Variants in C3 observed in about 807,000 individuals in gnomAD.
C3 encodes the protein complement C3.
A neutral mutation model predicts 207.9 loss-of-function variants in C3; 97 were observed. The observed-to-expected ratio is 0.47, with a 90% CI of 0.40 to 0.55. C3 has a LOEUF of 0.55. C3 is among the 20% of genes least tolerant of loss of function. C3 has a pLI of 0.00. For synonymous variants in C3, 848 were observed against 857.6 expected (o/e 0.99, Z 0.20); for missense variants, 1,684 against 2,171.7 (o/e 0.78, Z 4.46).
chr19:6,678,141 A>G lies in C3; in HGVS notation c.4850+11T>C. 1 of 1,614,140 alleles carries G rather than the reference A, an allele frequency of 6.2e-7. No homozygotes were observed. Among genetic ancestry groups the G allele is most frequent in the Non-Finnish European group, 8.5e-7 (1 of 1,180,014 alleles). ...CGGGCGGTCGCGCGCACGCGCAGGGAAAGCACTCACTTGGGCTTCTCTCCC... is the reference window on the plus strand; with the variant it reads ...CGGGCGGTCGCGCGCACGCGCAGGGGAAGCACTCACTTGGGCTTCTCTCCC... On this transcript the variant is annotated intron_variant, in intron 40 of 40. Coordinates refer to ENST00000245907, the MANE Select transcript of C3 (RefSeq NM_000064.4).
Position 6,679,136 on chromosome 19 carries a change from C to G in C3, c.4619G>C (p.Gly1540Ala). 6.2e-7 allele frequency: 1 copy of G among 1,613,966 alleles called. No homozygotes were observed. The highest frequency in any genetic ancestry group is 8.5e-7 in the Non-Finnish European group (1 of 1,179,812). ...EERLDKACEPGVDYVYKTRLV... is the reference protein window; with the variant it reads ...EERLDKACEPAVDYVYKTRLV... ...CATCACCCACTCACCATAGTCCACT[C>G]CTGGCTCACAGGCCTTGTCCAGCCG... The change falls in exon 38 of 41, where the codon GGA (glycine) becomes GCA (alanine). Residue 1540 changes from glycine to alanine, a missense_variant. Physicochemically the swap from Gly to Ala is moderately conservative, Grantham distance 60. Around this residue, in one of 3 missense-constraint regions of C3, gnomAD observed 346 missense variants for 380.1 expected, o/e 0.91. Transcript: ENST00000245907.
chr19:6,686,393 G>A, intron 28 of C3, 106 bp from the exon 29 acceptor site: 1 of 1,260,902 alleles, frequency 7.9e-7, no homozygotes, highest in Non-Finnish European at 1.2e-6. Context: ...TGGTGTTTGG[G>A]TGTCCTGGCT....
chr19:6,686,211 C>T lies in C3; in HGVS notation c.3723G>A (p.Leu1241=). 2 of 1,614,156 alleles carry T rather than the reference C, an allele frequency of 1.2e-6. No homozygotes were observed. The highest frequency in any genetic ancestry group is 1.7e-6 in the Non-Finnish European group (2 of 1,180,024). Reference sequence around the variant, plus strand: ...GCACAAAGTCAAAGTCTTTTAGCTGCAGTAGGGCCAAGAGGGCATAGGATG... The same window carrying T: ...GCACAAAGTCAAAGTCTTTTAGCTGTAGTAGGGCCAAGAGGGCATAGGATG... ...EATSYALLAL[L]QLKDFDFVPP... is the part of the protein sequence containing the mutation. Residue 1241 remains leucine (L), a synonymous_variant, in exon 29 of 41, where the codon CTG becomes CTA. Transcript: ENST00000245907.
At chr19:6,689,833 T>G (rs1740766938) in intron 27 of C3, among the ~76,000 whole-genome samples, 1 of 152,032 alleles carries the variant, frequency 6.6e-6, no homozygotes, top group South Asian at 2.1e-4. Context: ...AAGACAAAAA[T>G]TAGCCGGGTA....
intron 28 of C3, 96 bp from the exon 29 acceptor site, chr19:6,686,383 T>C: frequency 2.2e-6 from 3 of 1,366,246 alleles, no homozygotes; most frequent in South Asian, 2.3e-5. Context: ...CTAGACTTCC[T>C]GGTGTTTGGG....
At position 6,707,924 on chromosome 19, in the gene C3, C is replaced by A. The variant is rs1388201055; in HGVS notation, c.1851G>T (p.Trp617Cys). The A allele has an allele frequency of 6.2e-7, 1 of 1,613,830 alleles. No homozygotes were observed. The highest frequency in any genetic ancestry group is 8.5e-7 in the Non-Finnish European group (1 of 1,179,998). ...KKNKLTQSKI[W>C]DVVEKADIGC... ...CGATGTCTGCCTTCTCCACCACGTCCCAGATCTGCGGGGGGCATAGGGGTG... is the reference window on the plus strand; with the variant it reads ...CGATGTCTGCCTTCTCCACCACGTCACAGATCTGCGGGGGGCATAGGGGTG... Residue 617 changes from tryptophan to cysteine, a missense_variant, in exon 15 of 41, where the codon TGG becomes TGT. By Grantham distance (215) the Trp-to-Cys change is radical. This residue lies in a region of C3 where 1,280 missense variants were observed against 1,739.1 expected (regional missense o/e 0.74). Coordinates refer to ENST00000245907, the MANE Select transcript of C3 (RefSeq NM_000064.4).
rs1409290961 is a variant in C3 at position 6,697,044 on chromosome 19, A to AAAAAAAAAAAAAAAT, written c.2796+299_2796+300insATTTTTTTTTTTTTT. On this transcript the variant is annotated intron_variant, in intron 21 of 40. Transcript: ENST00000245907. Reference sequence around the variant, plus strand: ...GGAACAGAGTGAGACTCTGTCTCAAAAAAATAAACAAACAAATAAATAAAT... The same window carrying AAAAAAAAAAAAAAAT: ...GGAACAGAGTGAGACTCTGTCTCAAAAAAAAAAAAAAAAATAAAATAAACAAACAAATAAATAAAT... Among the ~76,000 whole-genome samples, 10 of 83,094 alleles carry AAAAAAAAAAAAAAAT rather than the reference A, an allele frequency of 1.2e-4. No individual in the cohort carries two copies. The East Asian group carries it at 2.0e-3, about 17-fold the overall frequency. The allele number at this position is 83,094 out of a possible 152,430, so 54.5% of individuals were successfully genotyped here.
At chr19:6,685,981 A>T (rs528638900) in intron 29 of C3, 143 bp downstream of exon 29, 14 of 864,472 alleles carry the variant, frequency 1.6e-5, no homozygotes, top group South Asian at 1.2e-4. Context: ...AGTAATAAAA[A>T]CTGATTCTCA....
Position 6,707,862 on chromosome 19 carries a change from A to C in C3, c.1913T>G (p.Val638Gly). 2 of 1,613,998 alleles carry C rather than the reference A, an allele frequency of 1.2e-6. No individual in the cohort carries two copies. Among genetic ancestry groups the C allele is most frequent in the Non-Finnish European group, 1.7e-6 (2 of 1,180,000 alleles). ...TPGSGKDYAG[V>G]FSDAGLTFTS... ...GAAGGTCAGCCCTGCGTCGGAGAAG[A>C]CACCGGCGTAATCCTTCCCACTGCC... Residue 638 changes from valine (V) to glycine (G), a missense_variant, in exon 15 of 41, where the codon GTC becomes GGC. Coordinates refer to ENST00000245907, the MANE Select transcript of C3 (RefSeq NM_000064.4).
rs1324291628 is a variant in C3, at chr19:6,682,216, G to T, written c.4186C>A (p.Gln1396Lys). The change falls in exon 34 of 41, where the codon CAG (glutamine) becomes AAG (lysine). Residue 1396 changes from glutamine (Q) to lysine (K), a missense_variant. Physicochemically the swap from Gln to Lys is moderately conservative, Grantham distance 53. Coordinates refer to ENST00000245907, the MANE Select transcript of C3 (RefSeq NM_000064.4). ...LEICTRYRGD[Q>K]DATMSILDIS... ...TCCAATATAGACATAGTGGCATCCT[G>T]GTCTCCCCGGTACCTGGATAGTGCA... 1.9e-6 allele frequency: 3 copies of T among 1,613,552 alleles called. No individual in the cohort carries two copies. The South Asian group carries it at 3.3e-5, about 18-fold the overall frequency.
chr19:6,690,404 C>T (rs435499), intron 27 of C3, among the ~76,000 whole-genome samples: 1 of 152,214 alleles, frequency 6.6e-6, no homozygotes, highest in African/African-American at 2.4e-5. Flanking sequence ...ACCTTTCAGG[C>T]TGCTAAAAGG....
intron 21 of C3, 112 bp downstream of exon 21, chr19:6,697,232 G>A (rs1032077433): frequency 3.6e-6 from 3 of 831,352 alleles, no homozygotes; most frequent in Non-Finnish European, 6.0e-6. Flanking sequence ...TCCTAAGCTG[G>A]ACACTATGAT....
intron 26 of C3, among the ~76,000 whole-genome samples, chr19:6,692,497 G>A (rs1311801612): frequency 6.6e-6 from 1 of 152,170 alleles, no homozygotes; most frequent in Non-Finnish European, 1.5e-5. Context: ...TGACCAGGAG[G>A]TGGTTTCTAC....
At chr19:6,689,336 C>CTACCTACCTACCTACCTACCTACCTACCT (rs1568213464) in intron 27 of C3, among the ~76,000 whole-genome samples, 1 of 46,756 alleles carries the variant, frequency 2.1e-5, no homozygotes, top group African/African-American at 1.2e-4. Context: ...TACCTCCCTC[C>CTACCTACCTACCTACCTACCTACCTACCT]CTCCCTCCCT....
At chr19:6,702,670 G>C (rs1424546373) in intron 17 of C3, 91 bp from the exon 18 acceptor site, 1 of 874,388 alleles carries the variant, frequency 1.1e-6, no homozygotes, top group Non-Finnish European at 2.0e-6. Context: ...GGCCAAGGCA[G>C]GTGGATCACT....
At chr19:6,717,705 G>T in intron 4 of C3, 1 of 378,990 alleles carries the variant, frequency 2.6e-6, no homozygotes, top group Non-Finnish European at 5.0e-6. Flanking sequence ...GTATTGCGTG[G>T]TTGTGTATGT....
chr19:6,682,808 GCCTC>G (rs1217880508), intron 33 of C3: 1 of 157,286 alleles, frequency 6.4e-6, no homozygotes, highest in African/African-American at 2.4e-5. Flanking sequence ...TAGTTCTGTT[GCCTC>G]CCTGTCTCCA....
In C3 at chr19:6,700,494, ATATAT is replaced by A. The variant is rs1226686553; in HGVS notation, c.2440+1628_2440+1632del. 1.8e-4 allele frequency among the ~76,000 whole-genome samples: 6 copies of A among 32,708 alleles called. 2 individuals carry two copies. Among genetic ancestry groups the A allele is most frequent in the East Asian group, 3.1e-3 (2 of 644 alleles). 21.5% of individuals were successfully genotyped at this position (32,708 alleles called of 152,430 possible). On this transcript the variant is annotated intron_variant, in intron 19 of 40. Coordinates refer to ENST00000245907, the MANE Select transcript of C3 (RefSeq NM_000064.4). ...TGTAATATATAATATATGTAATATGATATATTATATATGTAATATATAATATATGT... is the reference window on the plus strand; with the variant it reads ...TGTAATATATAATATATGTAATATGATATATATGTAATATATAATATATGT...
chr19:6,706,556 G>A (rs1393603638), intron 17 of C3, among the ~76,000 whole-genome samples: 2 of 152,054 alleles, frequency 1.3e-5, no homozygotes, highest in Non-Finnish European at 1.5e-5. Context: ...TCACCTCATC[G>A]GCATCACCCT....
Sources: gnomAD v4.1 joint callset for allele counts (sites outside exome capture counted in the v4.1 genomes callset) on GRCh38, gnomAD v4.1.1 for gene constraint, gnomAD v4.1.1 regional missense constraint, MANE v1.5 for transcripts, NCBI Gene and HGNC (gene_info 2026-07-23, HGNC 2026-07-21) for gene names.